NOS1: variants seen among roughly 807,000 people sequenced by gnomAD.
NOS1 encodes the protein NOS type I.
A neutral mutation model predicts 164.5 loss-of-function variants in NOS1; 51 were observed. The observed-to-expected ratio is 0.31, with a 90% CI of 0.25 to 0.39. The LOEUF (loss-of-function observed/expected upper bound fraction) is 0.39. Among genes scored for constraint, NOS1 ranks in the 10% least tolerant of loss-of-function variants. The pLI is 1.00. For synonymous variants in NOS1, 719 were observed against 745.8 expected (o/e 0.96, Z 0.59); for missense variants, 1,362 against 1,885.6 (o/e 0.72, Z 5.14).
intron 3 of NOS1, among the ~76,000 whole-genome samples, chr12:117,309,731 G>A (rs770985900): frequency 6.6e-6 from 1 of 152,204 alleles, no homozygotes; most frequent in African/African-American, 2.4e-5. Flanking sequence ...AAACACATCT[G>A]AACAGATTGG....
chr12:117,351,837 G>C (rs1876632659), intron 1 of NOS1, among the ~76,000 whole-genome samples: 2 of 152,220 alleles, frequency 1.3e-5, no homozygotes, highest in African/African-American at 4.8e-5. Context: ...ACCCAGCTTT[G>C]ATGGGCTTCA....
At chr12:117,227,228 G>A (rs1211769322) in intron 23 of NOS1, among the ~76,000 whole-genome samples, 1 of 152,150 alleles carries the variant, frequency 6.6e-6, no homozygotes, top group Non-Finnish European at 1.5e-5. Flanking sequence ...TACACATCTT[G>A]CCTCTTTCCT....
At chr12:117,251,378 T>G (rs951477959) in intron 17 of NOS1, among the ~76,000 whole-genome samples, 2 of 152,164 alleles carry the variant, frequency 1.3e-5, no homozygotes, top group African/African-American at 4.8e-5. Context: ...TCATTAATAT[T>G]CTTCTTGGTG....
chr12:117,220,691 A>G (rs1315366087), intron 26 of NOS1, among the ~76,000 whole-genome samples: 1 of 152,136 alleles, frequency 6.6e-6, no homozygotes, highest in African/African-American at 2.4e-5. Flanking sequence ...TTACAGTGCC[A>G]GGGAAGCCCT....
intron 16 of NOS1, among the ~76,000 whole-genome samples, chr12:117,257,003 C>T (rs1010649161): frequency 3.3e-5 from 5 of 152,114 alleles, no homozygotes; most frequent in East Asian, 3.9e-4. Flanking sequence ...ACCCAGGAGG[C>T]GGAGGTTGCA....
At chr12:117,273,497 C>G (rs913023666) in intron 9 of NOS1, among the ~76,000 whole-genome samples, 10 of 152,078 alleles carry the variant, frequency 6.6e-5, no homozygotes, top group Admixed American at 2.0e-4. Context: ...TAGGTTGATG[C>G]AAAAGTAGCT....
intron 2 of NOS1, among the ~76,000 whole-genome samples, chr12:117,328,908 A>G (rs749204181): frequency 1.1e-4 from 16 of 152,246 alleles, no homozygotes; most frequent in Non-Finnish European, 1.8e-4. Context: ...CACCTAGGCT[A>G]TACGGTGTAG....
At chr12:117,277,234 C>T (rs1325470306) in intron 9 of NOS1, among the ~76,000 whole-genome samples, 1 of 151,904 alleles carries the variant, frequency 6.6e-6, no homozygotes, top group African/African-American at 2.4e-5. Flanking sequence ...ATTGAGAGAA[C>T]TGTTTACAAC....
chr12:117,361,098 G>T (rs1877124564), intron 1 of NOS1, among the ~76,000 whole-genome samples: 2 of 152,082 alleles, frequency 1.3e-5, no homozygotes, highest in African/African-American at 4.8e-5. Flanking sequence ...ACGGAGAAGG[G>T]GCGCGGGACG....
chr12:117,229,871 G>T (rs541665603), intron 22 of NOS1, among the ~76,000 whole-genome samples: 1 of 152,346 alleles, frequency 6.6e-6, no homozygotes, highest in South Asian at 2.1e-4. Context: ...TCACAGGCGT[G>T]AGCCACTGTG....
chr12:117,359,876 TTATATA>T lies in NOS1; in HGVS notation c.-421+1630_-421+1635del, dbSNP rs56787288. 1.8e-3 allele frequency among the ~76,000 whole-genome samples: 65 copies of T among 36,914 alleles called. 1 individual carries two copies. Among genetic ancestry groups the T allele is most frequent in the Admixed American group, 3.5e-3 (9 of 2,568 alleles). 24.2% of individuals were successfully genotyped at this position (36,914 alleles called of 152,430 possible). ...GTCCCAGAGCATTACAATAATGGTT[TTATATA>T]TATATATATATATATATATATATAT... is the stretch of plus-strand genomic sequence containing the variant. On this transcript the variant is annotated intron_variant, in intron 1 of 28. Transcript: ENST00000317775.
rs1870044958 is a variant in NOS1, at chr12:117,240,049, T to C, written c.3041+2578A>G. On this transcript the variant is annotated intron_variant, in intron 20 of 28. Coordinates refer to ENST00000317775, the MANE Select transcript of NOS1 (RefSeq NM_000620.5). ...AAGTTTCCTTACTACTTATGTACTA[T>C]GGCTTTTGGAGTAAATTCTGTAAGC... is the stretch of plus-strand genomic sequence containing the variant. Among the ~76,000 whole-genome samples, 2 of 152,210 alleles carry C rather than the reference T, an allele frequency of 1.3e-5. 1 individual carries two copies. The highest frequency in any genetic ancestry group is 4.1e-4 in the South Asian group (2 of 4,834).
At chr12:117,343,327 G>A (rs897960246) in intron 1 of NOS1, among the ~76,000 whole-genome samples, 2 of 152,076 alleles carry the variant, frequency 1.3e-5, no homozygotes, top group Non-Finnish European at 2.9e-5. Context: ...AAGAATGAAT[G>A]AAATTCATTT....
chr12:117,293,363 A>G (rs752648697), intron 3 of NOS1, among the ~76,000 whole-genome samples: 1 of 152,132 alleles, frequency 6.6e-6, no homozygotes, highest in Non-Finnish European at 1.5e-5. Context: ...GGTGGGAGCT[A>G]TCTTAATCAT....
At chr12:117,257,515 C>T (rs1093325) in intron 16 of NOS1, among the ~76,000 whole-genome samples, 14,672 of 151,060 alleles carry the variant, frequency 0.097, 742 homozygotes, top group South Asian at 0.11. Context: ...GGTATCTTAT[C>T]TTTTGAACTC....
rs528958089 is a variant in NOS1 at position 117,296,802 on chromosome 12, G to T, written c.853-6376C>A. On this transcript the variant is annotated intron_variant, in intron 3 of 28. Transcript: ENST00000317775. ...AATGAAGGTTAAACAAGATCATAAG[G>T]GTGGGGCCCTAATCTGATAGGATTG... Among the ~76,000 whole-genome samples the T allele has an allele frequency of 9.8e-5, 15 of 152,288 alleles. 1 individual carries two copies. In the South Asian group the frequency reaches 2.9e-3, roughly 29 times the overall value.
chr12:117,239,286 T>A (rs890070470), intron 20 of NOS1, among the ~76,000 whole-genome samples: 2 of 152,222 alleles, frequency 1.3e-5, no homozygotes, highest in Non-Finnish European at 2.9e-5. Flanking sequence ...CTGCTGTTCT[T>A]TCTTTCTGGA....
At chr12:117,225,685 T>C (rs540136738) in intron 24 of NOS1, among the ~76,000 whole-genome samples, 12 of 152,032 alleles carry the variant, frequency 7.9e-5, no homozygotes, top group Non-Finnish European at 1.5e-4. Flanking sequence ...TGGAGTGCAG[T>C]AGTGTGATCT....
chr12:117,344,291 A>G (rs1007738051), intron 1 of NOS1, among the ~76,000 whole-genome samples: 1 of 152,230 alleles, frequency 6.6e-6, no homozygotes, highest in African/African-American at 2.4e-5. Context: ...TGAAATAAGT[A>G]TTTGGTGAAT....
Sources: gnomAD v4.1 joint callset for allele counts (sites outside exome capture counted in the v4.1 genomes callset) on GRCh38, gnomAD v4.1.1 for gene constraint, MANE v1.5 for transcripts, NCBI Gene and HGNC (gene_info 2026-07-23, HGNC 2026-07-21) for gene names.